SPAG16: variants seen among roughly 807,000 people sequenced by gnomAD.
The protein encoded by SPAG16 is sperm-associated antigen 16 protein.
Under a neutral mutation model 80.4 loss-of-function variants are expected in SPAG16, and 86 were observed. That is an observed-to-expected ratio of 1.07 (90% CI 0.90 to 1.28). SPAG16 has a LOEUF of 1.28. Ranked by LOEUF, SPAG16 falls within the 50% of genes most tolerant of loss-of-function variation. SPAG16 has a pLI of 0.00. For synonymous variants in SPAG16, 294 were observed against 265.9 expected, an observed-to-expected ratio of 1.11 and a Z score of -1.03; for missense variants, 870 against 765.3, an observed-to-expected ratio of 1.14 and a Z score of -1.61.
intron 15 of SPAG16, among the ~76,000 whole-genome samples, chr2:214,197,938 A>G (rs1014349390): frequency 2.0e-5 from 3 of 152,080 alleles, no homozygotes; most frequent in Middle Eastern, 3.4e-3. Context: ...TTTAGGCCCA[A>G]TTTGCTATTG....
Position 213,952,578 on chromosome 2 carries a change from A to G in SPAG16, c.1400+22433A>G, listed in dbSNP as rs1295716884. Among the ~76,000 whole-genome samples the G allele has an allele frequency of 2.0e-5, 3 of 152,230 alleles. No homozygotes were observed. In the East Asian group the frequency reaches 5.8e-4, roughly 29 times the overall value. On this transcript the variant is annotated intron_variant, in intron 12 of 15. Transcript: ENST00000331683. ...CATAGAAAAGAGTCTTCACTGGGCC[A>G]ACACACAGACATACTCAAATTTGAA...
intron 10 of SPAG16, among the ~76,000 whole-genome samples, chr2:213,818,934 G>C (rs1349496101): frequency 1.3e-5 from 2 of 152,110 alleles, no homozygotes; most frequent in South Asian, 2.1e-4. Context: ...GAAATTGTGA[G>C]TCAATTAAAC....
intron 10 of SPAG16, among the ~76,000 whole-genome samples, chr2:213,723,971 G>A (rs2066639174): frequency 6.6e-6 from 1 of 152,138 alleles, no homozygotes; most frequent in African/African-American, 2.4e-5. Flanking sequence ...ATGTCTCTTG[G>A]TCATCAGGGT....
At position 213,660,389 on chromosome 2, in the gene SPAG16, T is replaced by G. The variant is rs182086685; in HGVS notation, c.1070+170299T>G. On this transcript the variant is annotated intron_variant, in intron 10 of 15. Coordinates refer to ENST00000331683, the MANE Select transcript of SPAG16 (RefSeq NM_024532.5). ...GGTGCAAGCAATTCTCCTGCCTCAG[T>G]GTATACATATGTATGTATGTATGTA... Among the ~76,000 whole-genome samples the G allele has an allele frequency of 3.3e-5, 5 of 151,612 alleles. No homozygotes were observed. In the East Asian group the frequency reaches 9.7e-4, roughly 29 times the overall value.
intron 10 of SPAG16, among the ~76,000 whole-genome samples, chr2:213,751,496 G>A (rs1378571747): frequency 6.6e-6 from 1 of 152,186 alleles, no homozygotes; most frequent in African/African-American, 2.4e-5. Flanking sequence ...TAATGGTGTA[G>A]CCACCCAGGT....
intron 10 of SPAG16, among the ~76,000 whole-genome samples, chr2:213,565,079 G>T (rs1269659732): frequency 6.6e-6 from 1 of 152,142 alleles, no homozygotes; most frequent in Non-Finnish European, 1.5e-5. Context: ...ACTCAAATAA[G>T]ATGTGTCAGT....
At chr2:214,037,864 GGTGTGTGT>G (rs35564156) in intron 13 of SPAG16, among the ~76,000 whole-genome samples, 257 of 133,702 alleles carry the variant, frequency 1.9e-3, no homozygotes, top group South Asian at 0.012. Flanking sequence ...CCAGAAGCCT[GGTGTGTGT>G]GTGTGTGTGT....
At chr2:214,089,890 C>A (rs959905282) in intron 13 of SPAG16, among the ~76,000 whole-genome samples, 2 of 152,008 alleles carry the variant, frequency 1.3e-5, no homozygotes, top group Admixed American at 6.6e-5. Context: ...TACTAAATAT[C>A]AACTTCTCTT....
At chr2:214,133,710 T>C (rs2054903403) in intron 14 of SPAG16, among the ~76,000 whole-genome samples, 1 of 151,642 alleles carries the variant, frequency 6.6e-6, no homozygotes, top group African/African-American at 2.4e-5. Context: ...AGATAGAGGG[T>C]TGAAGTGAGG....
intron 6 of SPAG16, among the ~76,000 whole-genome samples, chr2:213,348,518 G>T (rs576087447): frequency 6.6e-6 from 1 of 152,236 alleles, no homozygotes; most frequent in East Asian, 1.9e-4. Context: ...GCTGTTACCG[G>T]TTGTTCCTTT....
At chr2:213,425,078 C>T (rs2069826694) in intron 9 of SPAG16, among the ~76,000 whole-genome samples, 1 of 152,082 alleles carries the variant, frequency 6.6e-6, no homozygotes, top group South Asian at 2.1e-4. Context: ...AATCCCAGCA[C>T]TTTAGGAGGC....
At chr2:214,399,790 T>A in intron 15 of SPAG16, among the ~76,000 whole-genome samples, 1 of 152,130 alleles carries the variant, frequency 6.6e-6, no homozygotes, top group East Asian at 1.9e-4. Context: ...TATGATTTGC[T>A]ATGAATTATG....
At chr2:214,034,054 A>G (rs2048558970) in intron 13 of SPAG16, among the ~76,000 whole-genome samples, 1 of 150,524 alleles carries the variant, frequency 6.6e-6, no homozygotes, top group Non-Finnish European at 1.5e-5. Context: ...CATGATATTG[A>G]CATTTTGGAA....
chr2:214,330,233 C>T (rs1576797740), intron 15 of SPAG16, among the ~76,000 whole-genome samples: 1 of 149,962 alleles, frequency 6.7e-6, no homozygotes, highest in Middle Eastern at 3.4e-3. Flanking sequence ...GCCGAGATCA[C>T]GCCATTGCAC....
intron 12 of SPAG16, among the ~76,000 whole-genome samples, chr2:213,962,105 T>C (rs1295610111): frequency 6.6e-6 from 1 of 152,136 alleles, no homozygotes; most frequent in East Asian, 1.9e-4. Flanking sequence ...AAGCCCCAAG[T>C]AATTCTATTT....
At chr2:214,301,080 C>A (rs1465649739) in intron 15 of SPAG16, among the ~76,000 whole-genome samples, 1 of 147,664 alleles carries the variant, frequency 6.8e-6, no homozygotes, top group Admixed American at 6.8e-5. Context: ...AGTTAGCAAG[C>A]TAAATCCAGA....
chr2:213,543,316 T>C (rs887019107), intron 10 of SPAG16, among the ~76,000 whole-genome samples: 1 of 152,064 alleles, frequency 6.6e-6, no homozygotes, highest in African/African-American at 2.4e-5. Context: ...GTTGGGTTTT[T>C]TAAATTTTAT....
intron 10 of SPAG16, among the ~76,000 whole-genome samples, chr2:213,851,843 C>A (rs11899276): frequency 0.36 from 54,107 of 152,014 alleles, 9,997 homozygotes; most frequent in East Asian, 0.53. Context: ...TAAGAATGCT[C>A]CACTCTAGTA....
At chr2:214,055,961 T>C (rs1416376642) in intron 13 of SPAG16, among the ~76,000 whole-genome samples, 1 of 152,128 alleles carries the variant, frequency 6.6e-6, no homozygotes, top group Admixed American at 6.6e-5. Context: ...TATTGCTTTG[T>C]TTAGTTGGAG....
Sources: gnomAD v4.1 joint callset for allele counts (sites outside exome capture counted in the v4.1 genomes callset) on GRCh38, gnomAD v4.1.1 for gene constraint, MANE v1.5 for transcripts, NCBI Gene and HGNC (gene_info 2026-07-23, HGNC 2026-07-21) for gene names.